The following LARGE1 variants were observed in gnomAD, a reference collection of about 807,000 sequenced individuals.
LARGE1 encodes LARGE xylosyl- and glucuronyltransferase 1, also known as xylosyl- and glucuronyltransferase LARGE1.
A neutral mutation model predicts 87.6 loss-of-function variants in LARGE1; 43 were observed. The ratio of observed to expected loss-of-function variants is 0.49; its 90% CI spans 0.38 to 0.63. LARGE1 has a LOEUF of 0.63. Among genes scored for constraint, LARGE1 ranks in the 30% least tolerant of loss-of-function variants. The pLI, the probability that LARGE1 is intolerant of heterozygous loss-of-function variation, is 0.00. For synonymous variants in LARGE1, 434 were observed against 394.6 expected (o/e 1.10, Z -1.18); for missense variants, 802 against 1,000.2 (o/e 0.80, Z 2.67).
intron 6 of LARGE1, among the ~76,000 whole-genome samples, chr22:33,524,603 T>G (rs895628132): frequency 6.6e-6 from 1 of 152,042 alleles, no homozygotes; most frequent in Non-Finnish European, 1.5e-5. Flanking sequence ...TACCAGACAA[T>G]GATTTTCCTC....
At chr22:33,757,446 A>C (rs907473538) in intron 2 of LARGE1, among the ~76,000 whole-genome samples, 2 of 152,166 alleles carry the variant, frequency 1.3e-5, no homozygotes, top group African/African-American at 4.8e-5. Flanking sequence ...CGTCGGAAGA[A>C]ACGAAGGCCT....
At chr22:33,618,341 G>C (rs1363214226) in intron 4 of LARGE1, among the ~76,000 whole-genome samples, 1 of 152,184 alleles carries the variant, frequency 6.6e-6, no homozygotes, top group Non-Finnish European at 1.5e-5. Context: ...GGATTGTAGG[G>C]GCTGGCAGAG....
At chr22:33,450,808 T>C (rs988206383) in intron 6 of LARGE1, among the ~76,000 whole-genome samples, 1 of 152,140 alleles carries the variant, frequency 6.6e-6, no homozygotes, top group Non-Finnish European at 1.5e-5. Flanking sequence ...CTAACAAAAC[T>C]GTCCTTATGA....
At chr22:33,084,495 G>GA in the LARGE1 span, among the ~76,000 whole-genome samples, 154 of 135,704 alleles carry the variant, frequency 1.1e-3, no homozygotes, top group Middle Eastern at 3.8e-3. Flanking sequence ...CTTGTCTCTC[G>GA]AAAAAAAAAA....
At chr22:33,591,858 A>T (rs9609830) in intron 5 of LARGE1, among the ~76,000 whole-genome samples, 7,663 of 129,260 alleles carry the variant, frequency 0.059, 276 homozygotes, top group African/African-American at 0.099. Flanking sequence ...AAAAAAAAAA[A>T]TTTTTTTTTT....
At position 33,505,513 on chromosome 22, in the gene LARGE1, A is replaced by C. The variant is rs1396301742; in HGVS notation, c.787+59335T>G. The stretch of plus-strand genomic sequence containing the variant: ...TCACAGGGCCCATTATAGATGCCTC[A>C]CACATCTGAAGGGTGATGCTGGGAA... On this transcript the variant is annotated intron_variant, in intron 6 of 14. Transcript: ENST00000397394. 2.0e-5 allele frequency among the ~76,000 whole-genome samples: 3 copies of C among 152,206 alleles called. No individual in the cohort carries two copies. The East Asian group carries it at 5.8e-4, about 29-fold the overall frequency.
intron 3 of LARGE1, among the ~76,000 whole-genome samples, chr22:33,634,490 T>C (rs1029290285): frequency 3.3e-5 from 5 of 152,126 alleles, no homozygotes; most frequent in African/African-American, 1.2e-4. Context: ...AAATAATCTA[T>C]TTCCAATTCC....
chr22:33,895,266 G>C (rs1033095289), intron 1 of LARGE1, among the ~76,000 whole-genome samples: 7 of 152,196 alleles, frequency 4.6e-5, no homozygotes, highest in African/African-American at 1.2e-4. Context: ...CACTCACAGA[G>C]GACAAGAGGA....
chr22:33,463,878 T>G (rs1012026869), intron 6 of LARGE1, among the ~76,000 whole-genome samples: 1 of 152,194 alleles, frequency 6.6e-6, no homozygotes, highest in Non-Finnish European at 1.5e-5. Context: ...TTCACCATGT[T>G]GGCCAGGCTG....
the LARGE1 span, among the ~76,000 whole-genome samples, chr22:33,089,638 C>T: frequency 4.0e-5 from 6 of 151,728 alleles, no homozygotes; most frequent in Non-Finnish European, 8.8e-5. Context: ...GCTGGGACTA[C>T]AGGCACGTGC....
chr22:33,731,301 C>A (rs2083460060), intron 2 of LARGE1, among the ~76,000 whole-genome samples: 2 of 152,176 alleles, frequency 1.3e-5, no homozygotes, highest in Non-Finnish European at 2.9e-5. Context: ...CCGCACCCAG[C>A]CCGGCCTGCA....
At chr22:33,747,518 C>G (rs2084134209) in intron 2 of LARGE1, among the ~76,000 whole-genome samples, 1 of 152,180 alleles carries the variant, frequency 6.6e-6, no homozygotes, top group Admixed American at 6.5e-5. Flanking sequence ...GCCCAGATCA[C>G]CCTATTAACA....
At chr22:33,169,697 A>G (rs1326317864) in intron 11 of LARGE1, among the ~76,000 whole-genome samples, 1 of 151,944 alleles carries the variant, frequency 6.6e-6, no homozygotes, top group African/African-American at 2.4e-5. Context: ...GAAAAATACA[A>G]AAAATTAGCT....
intron 1 of LARGE1, among the ~76,000 whole-genome samples, chr22:33,911,486 C>G (rs1467111091): frequency 6.6e-6 from 1 of 152,154 alleles, no homozygotes; most frequent in Admixed American, 6.5e-5. Flanking sequence ...CTGAGTCCCT[C>G]CCTCCATTCT....
intron 7 of LARGE1, among the ~76,000 whole-genome samples, chr22:33,403,285 A>G (rs1213179585): frequency 6.6e-6 from 1 of 152,212 alleles, no homozygotes; most frequent in East Asian, 1.9e-4. Context: ...GAGCTTGCAG[A>G]GAGATGAGAC....
intron 12 of LARGE1, among the ~76,000 whole-genome samples, chr22:33,298,214 T>C (rs1259435041): frequency 6.6e-6 from 1 of 152,154 alleles, no homozygotes; most frequent in African/African-American, 2.4e-5. Context: ...GCCTCGTATC[T>C]GTGTGAATCC....
At chr22:33,479,771 G>A (rs1301629090) in intron 6 of LARGE1, among the ~76,000 whole-genome samples, 2 of 147,276 alleles carry the variant, frequency 1.4e-5, no homozygotes, top group Non-Finnish European at 3.0e-5. Context: ...TTGAGACAGA[G>A]TCTCACTTTG....
At chr22:33,089,368 T>TCTTCTTCTCCTC in the LARGE1 span, among the ~76,000 whole-genome samples, 1,722 of 78,252 alleles carry the variant, frequency 0.022, 47 homozygotes, top group African/African-American at 0.079. Flanking sequence ...TTCTTCTTCT[T>TCTTCTTCTCCTC]CTCCTTCTTC....
intron 1 of LARGE1, among the ~76,000 whole-genome samples, chr22:33,858,315 C>T (rs374668728): frequency 6.6e-6 from 1 of 152,084 alleles, no homozygotes; most frequent in African/African-American, 2.4e-5. Flanking sequence ...GGACAGCAAG[C>T]GAAAGCTCAG....
Sources: allele counts gnomAD v4.1 joint callset (sites outside exome capture counted in the v4.1 genomes callset), GRCh38; gene constraint gnomAD v4.1.1; transcripts MANE v1.5; gene names NCBI Gene and HGNC (gene_info 2026-07-23, HGNC 2026-07-21).